The following TEAD1 variants were observed in gnomAD, a reference collection of about 807,000 sequenced individuals.
The protein encoded by TEAD1 is transcriptional enhancer factor TEF-1.
TEAD1 carries 9 observed loss-of-function variants against 54.9 expected under a neutral mutation model. The observed-to-expected ratio is 0.16, with a 90% confidence interval of 0.10 to 0.29. The LOEUF is 0.29. Among genes scored for constraint, TEAD1 ranks in the 10% least tolerant of loss-of-function variants. The pLI is 1.00. For missense variants in TEAD1, 387 were observed against 535.9 expected (o/e 0.72, Z 2.74); for synonymous variants, 200 against 187.8 (o/e 1.07, Z -0.53).
intron 3 of TEAD1, among the ~76,000 whole-genome samples, chr11:12,809,373 T>C (rs1946244225): frequency 6.6e-6 from 1 of 152,310 alleles, no homozygotes; most frequent in African/African-American, 2.4e-5. Context: ...TTGAAACCCA[T>C]TGCTGTCCCC....
In TEAD1 at chr11:12,879,787, A is replaced by G; in HGVS notation, c.410A>G (p.His137Arg). 6.2e-7 allele frequency: 1 copy of G among 1,614,156 alleles called. No homozygotes were observed. The highest frequency in any genetic ancestry group is 8.5e-7 in the Non-Finnish European group (1 of 1,180,030). Residue 137 changes from histidine (H) to arginine (R), a missense_variant, in exon 6 of 13, where the codon CAT becomes CGT. By Grantham distance (29) the His-to-Arg change is conservative (BLOSUM62 0). Around this residue, in one of 5 missense-constraint regions of TEAD1, gnomAD observed 180 missense variants for 180.6 expected, o/e 1.00. Coordinates refer to ENST00000527636, the MANE Select transcript of TEAD1 (RefSeq NM_021961.6). The stretch of plus-strand genomic sequence containing the variant: ...CAGATCGTCTCGGCCACTGCCATTC[A>G]TAACAAGCTGGGGCTGCCTGGGATT...
intron 3 of TEAD1, among the ~76,000 whole-genome samples, chr11:12,792,555 A>C (rs1010477815): frequency 3.9e-5 from 6 of 152,168 alleles, no homozygotes; most frequent in Non-Finnish European, 1.5e-5. Context: ...GCATTGTCCT[A>C]CTAGTAGAAG....
intron 2 of TEAD1, among the ~76,000 whole-genome samples, chr11:12,726,798 G>A (rs1009394583): frequency 2.0e-5 from 3 of 151,964 alleles, no homozygotes; most frequent in African/African-American, 4.8e-5. Context: ...AGATTGCTCC[G>A]CTGCATTACA....
At chr11:12,903,569 C>T (rs1490943809) in intron 10 of TEAD1, among the ~76,000 whole-genome samples, 4 of 152,160 alleles carry the variant, frequency 2.6e-5, no homozygotes, top group Non-Finnish European at 5.9e-5. Flanking sequence ...AATTCCAGCA[C>T]TTTGGGAGGC....
intron 5 of TEAD1, among the ~76,000 whole-genome samples, chr11:12,869,187 C>T (rs1251285045): frequency 1.3e-5 from 2 of 152,112 alleles, no homozygotes; most frequent in Non-Finnish European, 2.9e-5. Context: ...TTCAAATTTA[C>T]CCTCTGGAAA....
At chr11:12,848,188 G>A (rs1246606572) in intron 3 of TEAD1, among the ~76,000 whole-genome samples, 1 of 152,166 alleles carries the variant, frequency 6.6e-6, no homozygotes. Flanking sequence ...AACTCCTTGA[G>A]GGCAGAGAGT....
chr11:12,854,171 G>A (rs775693998), intron 3 of TEAD1, among the ~76,000 whole-genome samples: 3 of 152,258 alleles, frequency 2.0e-5, no homozygotes, highest in South Asian at 4.1e-4. Context: ...GAACTTCCTC[G>A]TTGGATATGC....
intron 3 of TEAD1, chr11:12,822,662 G>A (rs966964240): frequency 1.3e-5 from 2 of 152,270 alleles, no homozygotes; most frequent in African/African-American, 2.4e-5. Context: ...ACTCCTATAA[G>A]CTAAGCAGAA....
chr11:12,908,684 A>G (rs541877575), intron 10 of TEAD1, among the ~76,000 whole-genome samples: 1 of 152,300 alleles, frequency 6.6e-6, no homozygotes, highest in East Asian at 1.9e-4. Context: ...TTGTTTTTAT[A>G]TTATGATTAT....
At chr11:12,724,502 C>T (rs147712692) in intron 2 of TEAD1, among the ~76,000 whole-genome samples, 13 of 152,298 alleles carry the variant, frequency 8.5e-5, no homozygotes, top group African/African-American at 2.4e-4. Flanking sequence ...AGGGGCAGGC[C>T]GCTGGCAAAT....
At chr11:12,899,092 T>A (rs758268073) in intron 9 of TEAD1, among the ~76,000 whole-genome samples, 2 of 152,146 alleles carry the variant, frequency 1.3e-5, no homozygotes, top group Non-Finnish European at 2.9e-5. Context: ...GCAGAACAGC[T>A]AGGAGTGAGG....
chr11:12,786,959 T>A (rs999831993), intron 3 of TEAD1, among the ~76,000 whole-genome samples: 1 of 152,164 alleles, frequency 6.6e-6, no homozygotes, highest in Non-Finnish European at 1.5e-5. Flanking sequence ...CCTCATGTGT[T>A]TGAGGACTGG....
At chr11:12,813,853 C>T (rs1252802986) in intron 3 of TEAD1, among the ~76,000 whole-genome samples, 1 of 152,066 alleles carries the variant, frequency 6.6e-6, no homozygotes, top group Non-Finnish European at 1.5e-5. Flanking sequence ...TGGGGTGTGT[C>T]CTCTCCTCCT....
In TEAD1 at chr11:12,776,575, A is replaced by G. The variant is rs533487451; in HGVS notation, c.202+12141A>G. Among the ~76,000 whole-genome samples, 4 of 152,148 alleles carry G rather than the reference A, an allele frequency of 2.6e-5. No homozygotes were observed. The South Asian group carries it at 6.2e-4, about 24-fold the overall frequency. On this transcript the variant is annotated intron_variant, in intron 3 of 12. Transcript: ENST00000527636. ...ACTTTACAGTGTGCTACAGATTCTC[A>G]TTTAATTATAATTTTTAATTATAAT... is the stretch of plus-strand genomic sequence containing the variant.
intron 3 of TEAD1, among the ~76,000 whole-genome samples, chr11:12,825,581 T>C (rs915664074): frequency 6.6e-6 from 1 of 152,210 alleles, no homozygotes; most frequent in African/African-American, 2.4e-5. Context: ...TAAATCTTCC[T>C]AAAATGATTT....
At chr11:12,742,393 C>T in intron 2 of TEAD1, among the ~76,000 whole-genome samples, 1 of 151,412 alleles carries the variant, frequency 6.6e-6, no homozygotes, top group Non-Finnish European at 1.5e-5. Context: ...AAGTCAAACT[C>T]ATAAAAAGTA....
intron 9 of TEAD1, among the ~76,000 whole-genome samples, chr11:12,888,045 A>C (rs1948125930): frequency 6.6e-6 from 1 of 152,204 alleles, no homozygotes; most frequent in Non-Finnish European, 1.5e-5. Flanking sequence ...AAAAGAAATT[A>C]TGTAGCCAGG....
chr11:12,762,445 G>C (rs1275537989), intron 2 of TEAD1, among the ~76,000 whole-genome samples: 1 of 152,186 alleles, frequency 6.6e-6, no homozygotes, highest in Non-Finnish European at 1.5e-5. Context: ...AAGTTCATCT[G>C]GAGGTCAGTC....
intron 2 of TEAD1, among the ~76,000 whole-genome samples, chr11:12,678,443 A>G (rs1325646253): frequency 6.6e-6 from 1 of 152,232 alleles, no homozygotes; most frequent in Admixed American, 6.5e-5. Flanking sequence ...TTTTATAATA[A>G]GGCATAGATT....
Sources: gnomAD v4.1 joint callset for allele counts (sites outside exome capture counted in the v4.1 genomes callset) on GRCh38, gnomAD v4.1.1 for gene constraint, gnomAD v4.1.1 regional missense constraint, MANE v1.5 for transcripts, NCBI Gene and HGNC (gene_info 2026-07-23, HGNC 2026-07-21) for gene names.